The following FMN1 variants were observed in gnomAD, a reference collection of about 807,000 sequenced individuals.
FMN1 encodes the protein formin-1.
FMN1 carries 110 observed loss-of-function variants against 132.4 expected under a neutral mutation model. The ratio of observed to expected loss-of-function variants is 0.83; its 90% CI spans 0.71 to 0.97. FMN1 has a LOEUF of 0.97. Among genes scored for constraint, FMN1 ranks in the 50% least tolerant of loss-of-function variants. The pLI is 0.00. For synonymous variants in FMN1, 722 were observed against 651.7 expected, an observed-to-expected ratio of 1.11 and a Z score of -1.64; for missense variants, 1,792 against 1,705.3, an observed-to-expected ratio of 1.05 and a Z score of -0.90.
In FMN1 at chr15:33,116,884, T is replaced by G. The variant is rs111511854; in HGVS notation, c.1868-27910A>C. Among the ~76,000 whole-genome samples the G allele has an allele frequency of 3.7e-3, 564 of 152,212 alleles. 3 individuals are homozygous for G. Among genetic ancestry groups the G allele is most frequent in the African/African-American group, 0.013 (520 of 41,522 alleles). On this transcript the variant is annotated intron_variant, in intron 4 of 20. Coordinates refer to ENST00000616417, the MANE Select transcript of FMN1 (RefSeq NM_001277313.2). ...TAACAGAGATCTTTCGAAAGTTTGT[T>G]GAGGATTAAAGAAAACGAAGTACTT... is the stretch of plus-strand genomic sequence containing the variant.
intron 17 of FMN1, among the ~76,000 whole-genome samples, chr15:32,819,726 T>G (rs1255101882): frequency 6.6e-6 from 1 of 152,126 alleles, no homozygotes; most frequent in East Asian, 1.9e-4. Flanking sequence ...AGTTGGGCAT[T>G]TAGGATCTAA....
At chr15:32,948,358 T>C (rs979030457) in intron 9 of FMN1, among the ~76,000 whole-genome samples, 10 of 152,040 alleles carry the variant, frequency 6.6e-5, no homozygotes, top group African/African-American at 1.9e-4. Context: ...TCTATATTTA[T>C]GAGAGAAATT....
chr15:32,912,498 A>C (rs944373736), intron 10 of FMN1, among the ~76,000 whole-genome samples: 2 of 152,254 alleles, frequency 1.3e-5, no homozygotes, highest in South Asian at 4.1e-4. Context: ...TTTATATCCC[A>C]GTCTGGGGAC....
intron 6 of FMN1, among the ~76,000 whole-genome samples, chr15:33,041,707 A>G (rs1596534394): frequency 6.6e-6 from 1 of 152,156 alleles, no homozygotes. Flanking sequence ...AAAACGGTAA[A>G]TAAGTGTTGT....
chr15:32,850,235 G>C (rs926821125), intron 17 of FMN1, among the ~76,000 whole-genome samples: 4 of 151,640 alleles, frequency 2.6e-5, no homozygotes, highest in Non-Finnish European at 4.4e-5. Flanking sequence ...CCTGATCTCT[G>C]TAACCTTAGT....
intron 6 of FMN1, among the ~76,000 whole-genome samples, chr15:33,015,307 G>T (rs2034977569): frequency 6.6e-6 from 1 of 152,106 alleles, no homozygotes; most frequent in Non-Finnish European, 1.5e-5. Context: ...TGTAAAAGGG[G>T]AATGCTAATT....
intron 16 of FMN1, among the ~76,000 whole-genome samples, chr15:32,881,506 T>A (rs536612): frequency 0.29 from 43,507 of 151,904 alleles, 6,790 homozygotes; most frequent in African/African-American, 0.42. Flanking sequence ...GTTCAGTCCT[T>A]GATGAGTGTT....
intron 4 of FMN1, among the ~76,000 whole-genome samples, chr15:33,144,393 T>A (rs7173052): frequency 0.057 from 8,665 of 151,974 alleles, 313 homozygotes; most frequent in Non-Finnish European, 0.07. Flanking sequence ...TCCCAGCACT[T>A]TGGGAGGCCG....
At chr15:32,882,880 T>C (rs747081928) in intron 16 of FMN1, among the ~76,000 whole-genome samples, 3 of 152,238 alleles carry the variant, frequency 2.0e-5, no homozygotes, top group Non-Finnish European at 1.5e-5. Context: ...TGGGGCCCAA[T>C]AGCACTGACT....
intron 10 of FMN1, among the ~76,000 whole-genome samples, chr15:32,916,560 T>G (rs748076849): frequency 6.6e-6 from 1 of 152,112 alleles, no homozygotes; most frequent in Non-Finnish European, 1.5e-5. Flanking sequence ...GTAGGTAGGG[T>G]TGGGTTGGCT....
At chr15:32,847,140 T>C (rs1450939886) in intron 17 of FMN1, among the ~76,000 whole-genome samples, 2 of 152,220 alleles carry the variant, frequency 1.3e-5, no homozygotes, top group African/African-American at 4.8e-5. Context: ...ATCATGAGGT[T>C]GTCCTTAGTA....
chr15:33,046,044 G>A (rs2036665714), intron 6 of FMN1, among the ~76,000 whole-genome samples: 1 of 151,988 alleles, frequency 6.6e-6, no homozygotes, highest in Non-Finnish European at 1.5e-5. Flanking sequence ...TTGCTGAAAT[G>A]GTATTAGCTA....
chr15:32,823,087 C>A (rs370296338), intron 17 of FMN1, among the ~76,000 whole-genome samples: 1 of 151,248 alleles, frequency 6.6e-6, no homozygotes, highest in Non-Finnish European at 1.5e-5. Context: ...CAAGGCACTG[C>A]GCCCTTTCTC....
intron 6 of FMN1, among the ~76,000 whole-genome samples, chr15:33,018,497 G>C (rs545483883): frequency 1.1e-4 from 16 of 152,274 alleles, no homozygotes; most frequent in Admixed American, 7.8e-4. Flanking sequence ...GAGAACCCAA[G>C]AGGACTGGGT....
intron 16 of FMN1, among the ~76,000 whole-genome samples, chr15:32,877,791 A>G (rs2059672815): frequency 6.6e-6 from 1 of 152,184 alleles, no homozygotes; most frequent in South Asian, 2.1e-4. Flanking sequence ...TTTGGCCATA[A>G]GGAAGTGATC....
At chr15:32,878,301 C>T (rs2059685118) in intron 16 of FMN1, among the ~76,000 whole-genome samples, 1 of 152,144 alleles carries the variant, frequency 6.6e-6, no homozygotes, top group South Asian at 2.1e-4. Flanking sequence ...GTGGTTAAAT[C>T]AGTTTGTACG....
intron 3 of FMN1, among the ~76,000 whole-genome samples, chr15:33,179,390 A>G (rs67450316): frequency 0.13 from 19,937 of 152,120 alleles, 2,443 homozygotes; most frequent in African/African-American, 0.32. Flanking sequence ...ACATAAACTG[A>G]AAAAAATATA....
chr15:32,922,858 C>A (rs1248957017), intron 10 of FMN1, among the ~76,000 whole-genome samples: 1 of 152,114 alleles, frequency 6.6e-6, no homozygotes. Context: ...TCTTTGCATT[C>A]AAAAAGATAT....
At chr15:33,118,907 C>T (rs905423058) in intron 4 of FMN1, among the ~76,000 whole-genome samples, 1 of 148,036 alleles carries the variant, frequency 6.8e-6, no homozygotes, top group Non-Finnish European at 1.5e-5. Flanking sequence ...GGCCGTAAAC[C>T]TTCCTTTACA....
Sources: allele counts gnomAD v4.1 joint callset (sites outside exome capture counted in the v4.1 genomes callset), GRCh38; gene constraint gnomAD v4.1.1; transcripts MANE v1.5; gene names NCBI Gene and HGNC (gene_info 2026-07-23, HGNC 2026-07-21).